Variants in DYM observed in about 807,000 individuals in gnomAD.
The protein encoded by DYM is dyggve-Melchior-Clausen syndrome protein.
Under a neutral mutation model 93.1 loss-of-function variants are expected in DYM, and 78 were observed. The ratio of observed to expected loss-of-function variants is 0.84; its 90% confidence interval spans 0.70 to 1.01. DYM has a LOEUF of 1.01. Among genes scored for constraint, DYM ranks in the 50% least tolerant of loss-of-function variants. The pLI is 0.00. For missense variants in DYM, 789 were observed against 845.0 expected (o/e 0.93, Z 0.82); for synonymous variants, 321 against 319.7 (o/e 1.00, Z -0.04).
chr18:49,352,443 A>C (rs991411658), intron 6 of DYM, among the ~76,000 whole-genome samples: 1 of 152,256 alleles, frequency 6.6e-6, no homozygotes, highest in Non-Finnish European at 1.5e-5. Flanking sequence ...AAGAAATGCC[A>C]TTAAATTCCA....
At chr18:49,221,684 C>T (rs1432905794) in intron 13 of DYM, among the ~76,000 whole-genome samples, 2 of 152,016 alleles carry the variant, frequency 1.3e-5, no homozygotes, top group Admixed American at 1.3e-4. Context: ...CATGTTCTCA[C>T]TCATAGGTGG....
chr18:49,374,320 A>T (rs745622010), intron 5 of DYM, among the ~76,000 whole-genome samples: 1 of 152,360 alleles, frequency 6.6e-6, no homozygotes, highest in Non-Finnish European at 1.5e-5. Flanking sequence ...GTTATATGGT[A>T]GTCAGAGAAC....
rs182621872 is a variant in DYM at position 49,217,879 on chromosome 18, C to G, written c.1461-8164G>C. ...CAAGATAACCAGCTAACATCATAACCACAGGATCAAATTCACACATAACAA... is the reference window on the plus strand; with the variant it reads ...CAAGATAACCAGCTAACATCATAACGACAGGATCAAATTCACACATAACAA... On this transcript the variant is annotated intron_variant, in intron 13 of 17. Transcript: ENST00000675505. Among the ~76,000 whole-genome samples, 372 of 152,250 alleles carry G rather than the reference C, an allele frequency of 2.4e-3. 6 individuals carry two copies. In the East Asian group the frequency reaches 0.035, roughly 14 times the overall value.
At chr18:49,420,169 T>G (rs111305510) in intron 2 of DYM, among the ~76,000 whole-genome samples, 9 of 118,978 alleles carry the variant, frequency 7.6e-5, no homozygotes, top group African/African-American at 2.3e-4. Context: ...AAATTCGTTT[T>G]TTTTTTTTTT....
intron 15 of DYM, among the ~76,000 whole-genome samples, chr18:49,124,008 A>C (rs1428540514): frequency 6.6e-6 from 1 of 152,228 alleles, no homozygotes; most frequent in Admixed American, 6.5e-5. Context: ...CTGATATATG[A>C]AACTTATACT....
chr18:49,371,472 A>G (rs1351778540), intron 5 of DYM, among the ~76,000 whole-genome samples: 1 of 152,046 alleles, frequency 6.6e-6, no homozygotes, highest in Non-Finnish European at 1.5e-5. Flanking sequence ...CTGTCTCAAA[A>G]TAATAATAAT....
At chr18:49,140,193 G>GAC (rs1245759338) in intron 15 of DYM, among the ~76,000 whole-genome samples, 1 of 151,906 alleles carries the variant, frequency 6.6e-6, no homozygotes, top group Non-Finnish European at 1.5e-5. Flanking sequence ...TTTTTCAGAA[G>GAC]ACACACACAC....
At chr18:49,414,949 T>A (rs2072746922) in intron 2 of DYM, among the ~76,000 whole-genome samples, 1 of 152,176 alleles carries the variant, frequency 6.6e-6, no homozygotes, top group Admixed American at 6.5e-5. Context: ...CTAGAAGACA[T>A]TCCATAACTA....
chr18:49,195,916 CTTTTTT>C (rs540189318), intron 14 of DYM, among the ~76,000 whole-genome samples: 20,189 of 83,772 alleles, frequency 0.24, 1,555 homozygotes, highest in East Asian at 0.41. Context: ...ATGCTACCAT[CTTTTTT>C]TTTTTTTTTT....
chr18:49,363,159 A>C lies in DYM; in HGVS notation c.494+2T>G. 6.2e-7 allele frequency: 1 copy of C among 1,612,342 alleles called. No homozygotes were observed. The highest frequency in any genetic ancestry group is 8.5e-7 in the Non-Finnish European group (1 of 1,178,422). The stretch of plus-strand genomic sequence containing the variant: ...ACAAATCCTGGCCTAGCCAGAACTT[A>C]CAAGAGTGGAATATCAGTGATCAAC... On this transcript the variant is annotated splice_donor_variant, in intron 6 of 17. Coordinates refer to ENST00000675505, the MANE Select transcript of DYM (RefSeq NM_001353214.3). LOFTEE classifies it high-confidence loss of function.
rs1341633931 is a variant in DYM at position 49,204,582 on chromosome 18, G to C, written c.1625+4969C>G. ...CCTAAGAAATTAGAACTTAAAATTGGACGTGGAACTCTAAGCAGTATTGGT... is the reference window on the plus strand; with the variant it reads ...CCTAAGAAATTAGAACTTAAAATTGCACGTGGAACTCTAAGCAGTATTGGT... On this transcript the variant is annotated intron_variant, in intron 14 of 17. Transcript: ENST00000675505. 2.0e-5 allele frequency among the ~76,000 whole-genome samples: 3 copies of C among 152,168 alleles called. No homozygotes were observed. In the East Asian group the frequency reaches 5.8e-4, roughly 29 times the overall value.
chr18:49,289,744 T>TATATATATATATATATATATACAC (rs2059936499), intron 8 of DYM, among the ~76,000 whole-genome samples: 1 of 34,296 alleles, frequency 2.9e-5, no homozygotes, highest in African/African-American at 1.3e-4. Flanking sequence ...TATATATATA[T>TATATATATATATATATATATACAC]ATATATATAT....
At chr18:49,343,384 T>C (rs1043711178) in intron 6 of DYM, among the ~76,000 whole-genome samples, 6 of 152,228 alleles carry the variant, frequency 3.9e-5, no homozygotes, top group African/African-American at 1.4e-4. Context: ...TGCTGTTCCC[T>C]CTGTTAGAAT....
chr18:49,280,618 C>T (rs1010699943), intron 10 of DYM, among the ~76,000 whole-genome samples: 1 of 152,154 alleles, frequency 6.6e-6, no homozygotes, highest in African/African-American at 2.4e-5. Context: ...TCAAGCCAGC[C>T]AGGGACGCTG....
intron 17 of DYM, among the ~76,000 whole-genome samples, chr18:49,094,363 C>A (rs116582575): frequency 6.6e-6 from 1 of 152,102 alleles, no homozygotes; most frequent in Non-Finnish European, 1.5e-5. Flanking sequence ...CTTTGAGCTG[C>A]GGCTTCTAAG....
At chr18:49,359,038 A>C (rs906811164) in intron 6 of DYM, among the ~76,000 whole-genome samples, 2 of 152,198 alleles carry the variant, frequency 1.3e-5, no homozygotes, top group African/African-American at 4.8e-5. Flanking sequence ...TTCAGCCCTT[A>C]TAGTAACACT....
intron 13 of DYM, among the ~76,000 whole-genome samples, chr18:49,254,277 G>A (rs1260397458): frequency 2.3e-5 from 3 of 132,664 alleles, no homozygotes; most frequent in African/African-American, 8.5e-5. Flanking sequence ...AAAGATCCTT[G>A]TATCATATAT....
At chr18:49,437,945 C>T (rs2081003043) in intron 1 of DYM, among the ~76,000 whole-genome samples, 2 of 152,112 alleles carry the variant, frequency 1.3e-5, no homozygotes, top group Non-Finnish European at 2.9e-5. Context: ...CCTGTAATCC[C>T]AGCACTTTGG....
chr18:49,113,846 T>C (rs112254916), intron 16 of DYM, among the ~76,000 whole-genome samples: 1 of 152,180 alleles, frequency 6.6e-6, no homozygotes, highest in African/African-American at 2.4e-5. Flanking sequence ...ATTTCCAGTG[T>C]GCCCAGCACT....
Sources: allele counts gnomAD v4.1 joint callset (sites outside exome capture counted in the v4.1 genomes callset), GRCh38; gene constraint gnomAD v4.1.1; transcripts MANE v1.5; gene names NCBI Gene and HGNC (gene_info 2026-07-23, HGNC 2026-07-21).